The following GLMN variants were observed in gnomAD, a reference collection of about 807,000 sequenced individuals.
The protein encoded by GLMN is glomulin, FKBP associated protein, also known as glomulin.
Under a neutral mutation model 87.8 loss-of-function variants are expected in GLMN, and 75 were observed. The observed-to-expected ratio is 0.85, with a 90% CI of 0.71 to 1.04. The LOEUF is 1.04. Among genes scored for constraint, GLMN ranks in the 50% least tolerant of loss-of-function variants. The pLI is 0.00. For missense variants in GLMN, 588 were observed against 658.8 expected (o/e 0.89, Z 1.18); for synonymous variants, 206 against 221.6 (o/e 0.93, Z 0.63).
intron 16 of GLMN, among the ~76,000 whole-genome samples, chr1:92,256,887 A>G (rs548195174): frequency 3.6e-4 from 54 of 149,714 alleles, no homozygotes; most frequent in Admixed American, 2.9e-3. Context: ...TCAACATAGT[A>G]TTGGAAGTTC....
At chr1:92,303,178 TGATA>T (rs1164053366), upstream of GLMN, among the ~76,000 whole-genome samples, 3 of 152,322 alleles carry the variant, frequency 2.0e-5, no homozygotes, top group East Asian at 5.8e-4. Flanking sequence ...TTAGTGTAGT[TGATA>T]GATCTTTTTC....
intron 16 of GLMN, among the ~76,000 whole-genome samples, chr1:92,259,807 T>C (rs547064727): frequency 1.1e-3 from 152 of 143,546 alleles, no homozygotes; most frequent in African/African-American, 3.3e-3. Flanking sequence ...TGATCTCGGC[T>C]CACTGCAAGC....
intron 7 of GLMN, 142 bp downstream of exon 7, chr1:92,286,348 T>G (rs1648744101): frequency 2.3e-6 from 1 of 442,064 alleles, no homozygotes; most frequent in Admixed American, 4.0e-5. Flanking sequence ...TATTGCTGTT[T>G]TATTTTCCAT....
At chr1:92,351,853 T>C in the GLMN span, among the ~76,000 whole-genome samples, 1 of 152,176 alleles carries the variant, frequency 6.6e-6, no homozygotes, top group African/African-American at 2.4e-5. Flanking sequence ...CCAAATTTAA[T>C]ATAAAAGCTT....
At chr1:92,285,735 C>T (rs1485689554) in intron 7 of GLMN, among the ~76,000 whole-genome samples, 1 of 152,208 alleles carries the variant, frequency 6.6e-6, no homozygotes, top group Admixed American at 6.5e-5. Context: ...GCTGCACCTG[C>T]ACTCATGTAG....
At chr1:92,335,602 A>G in the GLMN span, among the ~76,000 whole-genome samples, 1 of 152,170 alleles carries the variant, frequency 6.6e-6, no homozygotes, top group Non-Finnish European at 1.5e-5. Context: ...TGCTTGATAT[A>G]TATGAAGTAC....
the GLMN span, among the ~76,000 whole-genome samples, chr1:92,358,791 T>C: frequency 6.6e-6 from 1 of 152,212 alleles, no homozygotes; most frequent in African/African-American, 2.4e-5. Context: ...TCTCACTTTG[T>C]TGCCCAGGCT....
At chr1:92,301,399 G>T, upstream of GLMN, 2 of 673,322 alleles carry the variant, frequency 3.0e-6, no homozygotes. Context: ...AGTGAGTTAG[G>T]TTAGTATTGT....
chr1:92,330,602 A>G, the GLMN span, among the ~76,000 whole-genome samples: 1 of 151,552 alleles, frequency 6.6e-6, no homozygotes, highest in East Asian at 1.9e-4. Flanking sequence ...CACCCGTGCC[A>G]TGCCTGCCTA....
At chr1:92,316,041 G>A in the GLMN span, among the ~76,000 whole-genome samples, 1 of 152,180 alleles carries the variant, frequency 6.6e-6, no homozygotes, top group African/African-American at 2.4e-5. Flanking sequence ...ATCCTGTTTG[G>A]CTAAATGTAG....
rs183621701 is a variant in GLMN, at chr1:92,275,570, C to T, written c.736-3918G>A. ...TAGCTATTACCTCTCCTTCCTTATT[C>T]ATCCAACCTCTTTTAAAGAATAGCT... On this transcript the variant is annotated intron_variant, in intron 7 of 18. Coordinates refer to ENST00000370360, the MANE Select transcript of GLMN (RefSeq NM_053274.3). Among the ~76,000 whole-genome samples, 385 of 152,316 alleles carry T rather than the reference C, an allele frequency of 2.5e-3. 3 individuals are homozygous for T. Among genetic ancestry groups the T allele is most frequent in the South Asian group, 9.3e-3 (45 of 4,826 alleles).
chr1:92,342,384 C>T, the GLMN span, among the ~76,000 whole-genome samples: 1 of 152,044 alleles, frequency 6.6e-6, no homozygotes, highest in Admixed American at 6.5e-5. Flanking sequence ...CGAGCAGAGG[C>T]AAGAGTAGAG....
intron 11 of GLMN, among the ~76,000 whole-genome samples, chr1:92,267,576 C>T (rs1188196584): frequency 2.0e-5 from 3 of 151,606 alleles, no homozygotes; most frequent in African/African-American, 4.8e-5. Context: ...TGGTGGCGGG[C>T]GCCTGTAGTC....
rs757008827 is a variant in GLMN at position 92,298,044 on chromosome 1, C to T, written c.-30-15G>A. On this transcript the variant is annotated splice_polypyrimidine_tract_variant and intron_variant, in intron 1 of 18. Coordinates refer to ENST00000370360, the MANE Select transcript of GLMN (RefSeq NM_053274.3). ...GATGCTAAAATCTACAAATACAAAACACACTGTTAACTATCCGTGATATTA... is the reference window on the plus strand; with the variant it reads ...GATGCTAAAATCTACAAATACAAAATACACTGTTAACTATCCGTGATATTA... 1 of 1,111,872 alleles carries T rather than the reference C, an allele frequency of 9.0e-7. No individual in the cohort carries two copies. The highest frequency in any genetic ancestry group is 1.7e-5 in the Admixed American group (1 of 59,182). 68.9% of individuals were successfully genotyped at this position (1,111,872 alleles called of 1,614,324 possible).
chr1:92,289,671 T>A (rs1194194714), intron 5 of GLMN, among the ~76,000 whole-genome samples: 1 of 152,210 alleles, frequency 6.6e-6, no homozygotes, highest in Non-Finnish European at 1.5e-5. Flanking sequence ...TCTGCCTTGG[T>A]TGCTAAGACC....
chr1:92,254,593 A>G (rs940128724), intron 16 of GLMN, among the ~76,000 whole-genome samples: 6 of 152,242 alleles, frequency 3.9e-5, no homozygotes, highest in Non-Finnish European at 5.9e-5. Context: ...TAGAAGCCAG[A>G]AGACAGTGGG....
In GLMN at chr1:92,271,514, G is replaced by C. The variant is rs746630710; in HGVS notation, c.874C>G (p.Leu292Val). ...LADSMASLAY[L>V]VFVQGIHIDQ... ...ATATGGATGCCCTGTACAAATACTAGATATGCCAGAGAAGCCATTGAGTCT... is the reference window on the plus strand; with the variant it reads ...ATATGGATGCCCTGTACAAATACTACATATGCCAGAGAAGCCATTGAGTCT... Residue 292 changes from leucine (L) to valine (V), a missense_variant, in exon 8 of 19, where the codon CTA (leucine) becomes GTA (valine). Physicochemically the swap from Leu to Val is conservative, Grantham distance 32. Transcript: ENST00000370360. The C allele has an allele frequency of 3.1e-6, 5 of 1,612,780 alleles. No individual in the cohort carries two copies. Among genetic ancestry groups the C allele is most frequent in the Non-Finnish European group, 4.2e-6 (5 of 1,179,000 alleles).
the GLMN span, among the ~76,000 whole-genome samples, chr1:92,337,047 A>G: frequency 6.6e-6 from 1 of 152,176 alleles, no homozygotes; most frequent in Non-Finnish European, 1.5e-5. Flanking sequence ...ATAAGCCTCT[A>G]AATGGCTTAT....
the GLMN span, among the ~76,000 whole-genome samples, chr1:92,314,521 C>T: frequency 3.3e-5 from 5 of 149,644 alleles, no homozygotes; most frequent in Non-Finnish European, 5.9e-5. Flanking sequence ...AGGCCAAGGC[C>T]GGTGGATCAC....
Sources: gnomAD v4.1 joint callset for allele counts (sites outside exome capture counted in the v4.1 genomes callset) on GRCh38, gnomAD v4.1.1 for gene constraint, MANE v1.5 for transcripts, NCBI Gene and HGNC (gene_info 2026-07-23, HGNC 2026-07-21) for gene names.